The following PRKG1 variants were observed in gnomAD, a reference collection of about 807,000 sequenced individuals.
The protein encoded by PRKG1 is cGMP-dependent protein kinase 1.
Under a neutral mutation model 88.1 loss-of-function variants are expected in PRKG1, and 35 were observed. The ratio of observed to expected loss-of-function variants is 0.40; its 90% CI spans 0.30 to 0.53. The LOEUF (loss-of-function observed/expected upper bound fraction) is 0.53, where lower values mean the gene tolerates loss of function less well. Ranked by LOEUF, PRKG1 falls within the 20% of genes least tolerant of loss-of-function variation. The pLI, the probability that PRKG1 is intolerant of heterozygous loss-of-function variation, is 0.59. For missense variants in PRKG1, 540 were observed against 839.8 expected (o/e 0.64, Z 4.41); for synonymous variants, 303 against 292.5 (o/e 1.04, Z -0.37).
intron 2 of PRKG1, among the ~76,000 whole-genome samples, chr10:51,285,716 A>G (rs919676025): frequency 1.3e-5 from 2 of 152,198 alleles, no homozygotes; most frequent in African/African-American, 4.8e-5. Flanking sequence ...GTATTGGTTT[A>G]CATGTTAGAA....
intron 2 of PRKG1, among the ~76,000 whole-genome samples, chr10:51,239,367 A>C (rs193028259): frequency 1.3e-5 from 2 of 152,370 alleles, no homozygotes; most frequent in African/African-American, 4.8e-5. Flanking sequence ...TCTGACCCTA[A>C]GTATCACACT....
At chr10:51,329,972 G>A (rs995192180) in intron 2 of PRKG1, among the ~76,000 whole-genome samples, 4 of 148,010 alleles carry the variant, frequency 2.7e-5, no homozygotes, top group African/African-American at 9.9e-5. Context: ...GAGACTTTTG[G>A]CCTTGTACTT....
chr10:51,221,328 A>C (rs1454719411), intron 2 of PRKG1, among the ~76,000 whole-genome samples: 1 of 152,114 alleles, frequency 6.6e-6, no homozygotes, highest in East Asian at 1.9e-4. Flanking sequence ...AAGTGACTAA[A>C]GGGAGTTTAA....
chr10:51,803,551 A>G (rs193034199), intron 3 of PRKG1, among the ~76,000 whole-genome samples: 1 of 151,668 alleles, frequency 6.6e-6, no homozygotes, highest in South Asian at 2.1e-4. Context: ...CTCCTCCTTC[A>G]CTCCCAAATC....
chr10:51,255,210 T>C (rs1001357931), intron 2 of PRKG1, among the ~76,000 whole-genome samples: 2 of 152,128 alleles, frequency 1.3e-5, no homozygotes, highest in African/African-American at 4.8e-5. Flanking sequence ...GTTTTGACTA[T>C]GAAGAGCTGG....
At chr10:51,425,803 G>A (rs1838562747) in intron 2 of PRKG1, among the ~76,000 whole-genome samples, 1 of 152,192 alleles carries the variant, frequency 6.6e-6, no homozygotes, top group South Asian at 2.1e-4. Flanking sequence ...AGGTTTTAGA[G>A]GAAATGCCTG....
intron 1 of PRKG1, among the ~76,000 whole-genome samples, chr10:51,124,363 A>C (rs1845342265): frequency 6.6e-6 from 1 of 152,046 alleles, no homozygotes; most frequent in African/African-American, 2.4e-5. Context: ...CTGAAATACT[A>C]TGTGTGTGGG....
chr10:51,349,454 T>G (rs932040432), intron 2 of PRKG1, among the ~76,000 whole-genome samples: 1 of 97,358 alleles, frequency 1.0e-5, no homozygotes, highest in African/African-American at 3.8e-5. Context: ...TTCATATTGT[T>G]TGTGTGTGTG....
intron 3 of PRKG1, among the ~76,000 whole-genome samples, chr10:51,733,670 T>C (rs1211386075): frequency 6.6e-6 from 1 of 152,178 alleles, no homozygotes; most frequent in African/African-American, 2.4e-5. Flanking sequence ...GAAGTTTTGG[T>C]CTTATAGGAA....
chr10:51,121,884 G>A (rs556293388), intron 1 of PRKG1, among the ~76,000 whole-genome samples: 2 of 152,110 alleles, frequency 1.3e-5, no homozygotes, highest in Non-Finnish European at 2.9e-5. Flanking sequence ...GATAAATATG[G>A]TCCTAATGGC....
intron 3 of PRKG1, among the ~76,000 whole-genome samples, chr10:51,722,029 A>C (rs1376083189): frequency 6.6e-6 from 1 of 152,182 alleles, no homozygotes; most frequent in Non-Finnish European, 1.5e-5. Context: ...CAGGAGTTCA[A>C]GACCAGCCTG....
At chr10:51,724,771 C>T (rs768364408) in intron 3 of PRKG1, among the ~76,000 whole-genome samples, 13 of 151,868 alleles carry the variant, frequency 8.6e-5, no homozygotes, top group African/African-American at 3.1e-4. Flanking sequence ...CACAACTCAC[C>T]GCAGCCTCAA....
At chr10:51,720,423 A>G (rs1841985353) in intron 3 of PRKG1, among the ~76,000 whole-genome samples, 1 of 152,340 alleles carries the variant, frequency 6.6e-6, no homozygotes, top group Admixed American at 6.5e-5. Context: ...ACAATAATAG[A>G]AGAAAAAAAC....
At position 51,510,906 on chromosome 10, in the gene PRKG1, C is replaced by A. The variant is rs527532377; in HGVS notation, c.592+43070C>A. Among the ~76,000 whole-genome samples the A allele has an allele frequency of 1.2e-3, 170 of 137,434 alleles. 1 individual carries two copies. The highest frequency in any genetic ancestry group is 4.9e-3 in the African/African-American group (154 of 31,210). 90.2% of individuals were successfully genotyped at this position (137,434 alleles called of 152,430 possible). On this transcript the variant is annotated intron_variant, in intron 3 of 17. Coordinates refer to ENST00000373980, the MANE Select transcript of PRKG1 (RefSeq NM_006258.4). ...CTACAGGCGCCCACCACCACACCAG[C>A]TTATTTTTTTTTTTTTTTGTATTTT...
In PRKG1 at chr10:52,038,472, G is replaced by A. The variant is rs187730630; in HGVS notation, c.763-16012G>A. Among the ~76,000 whole-genome samples the A allele has an allele frequency of 6.1e-3, 922 of 151,960 alleles. 5 individuals carry two copies. Among genetic ancestry groups the A allele is most frequent in the African/African-American group, 0.021 (860 of 41,442 alleles). On this transcript the variant is annotated intron_variant, in intron 5 of 17. Coordinates refer to ENST00000373980, the MANE Select transcript of PRKG1 (RefSeq NM_006258.4). ...ACAGAGATATAAGAGGTTGGGGCGC[G>A]GAAATAAGGGATTGGGGCACAGAGA...
At chr10:52,041,596 C>A (rs1845756132) in intron 5 of PRKG1, among the ~76,000 whole-genome samples, 1 of 152,128 alleles carries the variant, frequency 6.6e-6, no homozygotes, top group South Asian at 2.1e-4. Flanking sequence ...GTGAAGCCAT[C>A]AGGTCCCATG....
At chr10:51,872,648 C>A (rs895776831) in intron 4 of PRKG1, among the ~76,000 whole-genome samples, 4 of 151,904 alleles carry the variant, frequency 2.6e-5, no homozygotes, top group African/African-American at 9.7e-5. Flanking sequence ...TGATGCTTAC[C>A]ACGTGCTTAC....
intron 1 of PRKG1, among the ~76,000 whole-genome samples, chr10:51,092,939 A>G (rs559784243): frequency 3.3e-5 from 5 of 152,338 alleles, no homozygotes; most frequent in Admixed American, 2.0e-4. Context: ...GGAATTCAAA[A>G]TATTAGAGAT....
At chr10:51,424,157 G>T (rs1665007740) in intron 2 of PRKG1, among the ~76,000 whole-genome samples, 2 of 152,012 alleles carry the variant, frequency 1.3e-5, no homozygotes, top group South Asian at 4.1e-4. Flanking sequence ...TAACATAAAA[G>T]AATCTGAAGC....
Sources: gnomAD v4.1 joint callset for allele counts (sites outside exome capture counted in the v4.1 genomes callset) on GRCh38, gnomAD v4.1.1 for gene constraint, MANE v1.5 for transcripts, NCBI Gene and HGNC (gene_info 2026-07-23, HGNC 2026-07-21) for gene names.